The following GPR158 variants were observed in gnomAD, a reference collection of about 807,000 sequenced individuals.
The protein encoded by GPR158 is G protein-coupled receptor 158.
GPR158 carries 30 observed loss-of-function variants against 78.2 expected under a neutral mutation model. The ratio of observed to expected loss-of-function variants is 0.38; its 90% confidence interval spans 0.29 to 0.52. The LOEUF is 0.52. Ranked by LOEUF, GPR158 falls within the 20% of genes least tolerant of loss-of-function variation. GPR158 has a pLI of 0.83. For missense variants in GPR158, 1,463 were observed against 1,523.5 expected (o/e 0.96, Z 0.66); for synonymous variants, 581 against 591.1 (o/e 0.98, Z 0.25).
chr10:25,282,873 T>C (rs1471267682), intron 2 of GPR158, among the ~76,000 whole-genome samples: 1 of 152,146 alleles, frequency 6.6e-6, no homozygotes, highest in African/African-American at 2.4e-5. Flanking sequence ...TAAATATTCT[T>C]ATTTGTGATA....
chr10:25,509,786 C>T (rs58006889), intron 5 of GPR158, among the ~76,000 whole-genome samples: 5,491 of 152,166 alleles, frequency 0.036, 334 homozygotes, highest in African/African-American at 0.12. Flanking sequence ...GTGCGATCTC[C>T]GCTCACCACA....
chr10:25,261,642 A>G (rs1329654202), intron 2 of GPR158, among the ~76,000 whole-genome samples: 1 of 152,182 alleles, frequency 6.6e-6, no homozygotes. Context: ...TGTAATTTCA[A>G]TGGAATAAAT....
chr10:25,553,336 T>A (rs1030313586), intron 6 of GPR158, among the ~76,000 whole-genome samples: 1 of 152,326 alleles, frequency 6.6e-6, no homozygotes, highest in East Asian at 1.9e-4. Flanking sequence ...ATTTTCCCTC[T>A]GACTTTGTAT....
intron 2 of GPR158, among the ~76,000 whole-genome samples, chr10:25,305,186 T>C (rs1854653537): frequency 6.6e-6 from 1 of 152,216 alleles, no homozygotes. Flanking sequence ...GAAATCACAT[T>C]GTTATATGTC....
chr10:25,576,404 C>A (rs1039224856), intron 7 of GPR158, among the ~76,000 whole-genome samples: 5 of 152,154 alleles, frequency 3.3e-5, no homozygotes, highest in Non-Finnish European at 5.9e-5. Flanking sequence ...AGACTGTTTT[C>A]ATTGTACTTT....
chr10:25,446,503 ATTATCT>A (rs67319606), intron 4 of GPR158, among the ~76,000 whole-genome samples: 8,882 of 152,146 alleles, frequency 0.058, 541 homozygotes, highest in African/African-American at 0.16. Flanking sequence ...TATTTTAATG[ATTATCT>A]TTATTTTATT....
chr10:25,397,022 G>A (rs1313488166), intron 3 of GPR158, among the ~76,000 whole-genome samples: 1 of 152,088 alleles, frequency 6.6e-6, no homozygotes, highest in African/African-American at 2.4e-5. Flanking sequence ...CCTTTTTCAA[G>A]GCTACCAGGA....
In GPR158 at chr10:25,580,811, G is replaced by A. The variant is rs553663593; in HGVS notation, c.1753+7924G>A. Among the ~76,000 whole-genome samples, 5 of 152,158 alleles carry A rather than the reference G, an allele frequency of 3.3e-5. No homozygotes were observed. In the East Asian group the frequency reaches 5.8e-4, roughly 18 times the overall value. On this transcript the variant is annotated intron_variant, in intron 7 of 10. Transcript: ENST00000376351. ...TGTGACCATAGCTTGCTGCAGCTTC[G>A]AACTCCTGGACTCAAGCCATTCTTC...
chr10:25,256,692 AAAAAT>A (rs991851602), intron 2 of GPR158, among the ~76,000 whole-genome samples: 54 of 152,212 alleles, frequency 3.5e-4, no homozygotes, highest in Middle Eastern at 3.4e-3. Context: ...TCACAACAAT[AAAAAT>A]AAAATAAAAT....
intron 2 of GPR158, among the ~76,000 whole-genome samples, chr10:25,334,469 A>G (rs1855170642): frequency 6.6e-6 from 1 of 152,060 alleles, no homozygotes; most frequent in South Asian, 2.1e-4. Flanking sequence ...TGCATATGAC[A>G]ACAGAATTGA....
At chr10:25,209,635 G>GT (rs78189613) in intron 1 of GPR158, among the ~76,000 whole-genome samples, 12,186 of 152,188 alleles carry the variant, frequency 0.08, 706 homozygotes, top group East Asian at 0.25. Flanking sequence ...TTAGTTAACT[G>GT]TTGATATTAT....
chr10:25,350,756 T>A (rs1229919189), intron 2 of GPR158, among the ~76,000 whole-genome samples: 6 of 151,986 alleles, frequency 3.9e-5, no homozygotes, highest in Non-Finnish European at 8.8e-5. Context: ...CTGGAGAGCA[T>A]CAGTTGGTGA....
chr10:25,510,531 TTGTTTTATTTATTTATTTATTTATTA>T (rs1377502576), intron 5 of GPR158, among the ~76,000 whole-genome samples: 3 of 151,456 alleles, frequency 2.0e-5, no homozygotes, highest in African/African-American at 7.3e-5. Flanking sequence ...TCAAAGGACT[TTGTTTTATTTATTTATTTATTTATTA>T]TGTTTTATTT....
In GPR158 at chr10:25,395,293, T is replaced by G. The variant is rs146231401; in HGVS notation, c.1009-618T>G. Among the ~76,000 whole-genome samples the G allele has an allele frequency of 3.6e-3, 544 of 152,280 alleles. 2 individuals are homozygous for G. Among genetic ancestry groups the G allele is most frequent in the Non-Finnish European group, 5.6e-3 (378 of 67,992 alleles). Reference sequence around the variant, plus strand: ...CTTCCTTATATGTATATGTAAAACATTTATCTATTAAACAGATTTTAGGTA... The same window carrying G: ...CTTCCTTATATGTATATGTAAAACAGTTATCTATTAAACAGATTTTAGGTA... On this transcript the variant is annotated intron_variant, in intron 2 of 10. Transcript: ENST00000376351.
intron 10 of GPR158, 142 bp from the exon 11 acceptor site, chr10:25,597,630 C>A: frequency 4.0e-6 from 2 of 503,920 alleles, no homozygotes; most frequent in Non-Finnish European, 6.7e-6. Context: ...AGAAAATCGA[C>A]AAGTACATAT....
chr10:25,581,673 A>G (rs1264117928), intron 7 of GPR158, among the ~76,000 whole-genome samples: 4 of 152,188 alleles, frequency 2.6e-5, no homozygotes, highest in Non-Finnish European at 5.9e-5. Context: ...TAGCACTTCA[A>G]ATAGCATGTG....
intron 7 of GPR158, among the ~76,000 whole-genome samples, chr10:25,586,189 G>A (rs936201812): frequency 1.3e-5 from 2 of 151,990 alleles, no homozygotes; most frequent in Admixed American, 6.6e-5. Context: ...ACACGTTGAC[G>A]CCTCACAGAA....
intron 5 of GPR158, among the ~76,000 whole-genome samples, chr10:25,469,955 T>C (rs1220462406): frequency 6.6e-6 from 1 of 152,004 alleles, no homozygotes; most frequent in African/African-American, 2.4e-5. Flanking sequence ...ATTTTGAAAA[T>C]GTCAGCCAGT....
chr10:25,546,346 C>A (rs937033525), intron 5 of GPR158, among the ~76,000 whole-genome samples: 1 of 152,138 alleles, frequency 6.6e-6, no homozygotes, highest in Non-Finnish European at 1.5e-5. Context: ...AGAGTCAAGG[C>A]AATCAAGCAG....
Sources: gnomAD v4.1 joint callset for allele counts (sites outside exome capture counted in the v4.1 genomes callset) on GRCh38, gnomAD v4.1.1 for gene constraint, MANE v1.5 for transcripts, NCBI Gene and HGNC (gene_info 2026-07-23, HGNC 2026-07-21) for gene names.